WWOX: variants seen among roughly 807,000 people sequenced by gnomAD.
The protein encoded by WWOX is WW domain-containing oxidoreductase.
WWOX carries 69 observed loss-of-function variants against 46.2 expected under a neutral mutation model. The observed-to-expected ratio is 1.49, with a 90% CI of 1.23 to 1.82. WWOX has a LOEUF of 1.82. Ranked by LOEUF, WWOX falls within the 40% of genes most tolerant of loss-of-function variation. The pLI is 0.00. For missense variants in WWOX, 919 were observed against 542.6 expected (o/e 1.69, Z -6.89); for synonymous variants, 359 against 202.6 (o/e 1.77, Z -6.56).
chr16:78,967,497 A>G (rs1430203785), intron 8 of WWOX, among the ~76,000 whole-genome samples: 1 of 100,494 alleles, frequency 1.0e-5, no homozygotes, highest in Non-Finnish European at 1.9e-5. Flanking sequence ...TGAGATGGGG[A>G]TTTCACCATG....
intron 6 of WWOX, among the ~76,000 whole-genome samples, chr16:78,421,173 A>G (rs1014567852): frequency 2.6e-5 from 4 of 152,222 alleles, no homozygotes; most frequent in Non-Finnish European, 4.4e-5. Context: ...ACAAATTACC[A>G]CAGATGGAGT....
At chr16:78,273,587 G>A (rs1396382370) in intron 5 of WWOX, among the ~76,000 whole-genome samples, 1 of 152,188 alleles carries the variant, frequency 6.6e-6, no homozygotes. Context: ...TGAGAAAGGA[G>A]GGTGGGGAGA....
chr16:78,917,470 G>A (rs575925671), intron 8 of WWOX, among the ~76,000 whole-genome samples: 37 of 151,354 alleles, frequency 2.4e-4, no homozygotes, highest in Admixed American at 1.8e-3. Context: ...TACCTACCCC[G>A]AGAGCTGGCT....
chr16:79,025,062 A>G (rs957336368), intron 8 of WWOX, among the ~76,000 whole-genome samples: 6 of 152,156 alleles, frequency 3.9e-5, no homozygotes, highest in African/African-American at 1.4e-4. Context: ...GGAGAGTGAG[A>G]GTCCCTCCCT....
At chr16:79,196,348 A>G (rs1171505580) in intron 8 of WWOX, 1 of 152,170 alleles carries the variant, frequency 6.6e-6, no homozygotes, top group African/African-American at 2.4e-5. Context: ...ACAAGTCTAT[A>G]TCATTCTGTC....
rs1386633734 is a variant in WWOX, at chr16:78,348,849, A to G, written c.517-38011A>G. On this transcript the variant is annotated intron_variant, in intron 5 of 8. Coordinates refer to ENST00000566780, the MANE Select transcript of WWOX (RefSeq NM_016373.4). Reference sequence around the variant, plus strand: ...AAATATAAGAGAAAGAAAGACTTGTATCTGTTGTTAGTGAGTTTTTGTGGT... The same window carrying G: ...AAATATAAGAGAAAGAAAGACTTGTGTCTGTTGTTAGTGAGTTTTTGTGGT... Among the ~76,000 whole-genome samples, 2 of 120,410 alleles carry G rather than the reference A, an allele frequency of 1.7e-5. 1 individual carries two copies. The highest frequency in any genetic ancestry group is 4.0e-5 in the Non-Finnish European group (2 of 50,532). The allele number at this position is 120,410 out of a possible 152,430, so 79.0% of individuals were successfully genotyped here. A position where few individuals can be genotyped will look rare whatever the true frequency, so the allele number is the denominator to read the frequency against.
chr16:78,435,561 A>C (rs1459015427), intron 8 of WWOX, among the ~76,000 whole-genome samples: 1 of 152,198 alleles, frequency 6.6e-6, no homozygotes, highest in African/African-American at 2.4e-5. Flanking sequence ...AAAAGTGGTG[A>C]CATCGCAAAA....
intron 8 of WWOX, among the ~76,000 whole-genome samples, chr16:78,500,555 G>A (rs2085036446): frequency 6.6e-6 from 1 of 152,002 alleles, no homozygotes; most frequent in Non-Finnish European, 1.5e-5. Flanking sequence ...GCATGCTGCT[G>A]GAACACCTGG....
At chr16:78,452,763 C>CTAGCCTGTATAAAT in intron 8 of WWOX, among the ~76,000 whole-genome samples, 1 of 151,846 alleles carries the variant, frequency 6.6e-6, no homozygotes, top group Non-Finnish European at 1.5e-5. Flanking sequence ...AGGCATGAAC[C>CTAGCCTGTATAAAT]ACTGTGCCTA....
At chr16:78,775,888 G>T (rs771297996) in intron 8 of WWOX, among the ~76,000 whole-genome samples, 2 of 152,172 alleles carry the variant, frequency 1.3e-5, no homozygotes, top group Non-Finnish European at 2.9e-5. Flanking sequence ...TATATCATGA[G>T]CCCCTGTAAG....
chr16:78,843,242 A>T (rs947968962), intron 8 of WWOX, among the ~76,000 whole-genome samples: 5 of 150,062 alleles, frequency 3.3e-5, no homozygotes, highest in Non-Finnish European at 6.0e-5. Flanking sequence ...CCAATTCCAG[A>T]TCCTTCATGA....
At chr16:78,710,974 A>G (rs1211885829) in intron 8 of WWOX, among the ~76,000 whole-genome samples, 2 of 152,068 alleles carry the variant, frequency 1.3e-5, no homozygotes, top group Admixed American at 6.6e-5. Context: ...GTGCTTGCTT[A>G]TTTATTGAAA....
chr16:78,134,043 T>G (rs575036393), intron 4 of WWOX, among the ~76,000 whole-genome samples: 4 of 152,340 alleles, frequency 2.6e-5, no homozygotes, highest in African/African-American at 9.6e-5. Flanking sequence ...GAATTGCTTT[T>G]GTATGGTACG....
At chr16:79,043,794 A>G (rs1275280212) in intron 8 of WWOX, among the ~76,000 whole-genome samples, 3 of 152,088 alleles carry the variant, frequency 2.0e-5, no homozygotes, top group African/African-American at 7.2e-5. Flanking sequence ...CTCAGTTTTG[A>G]TCTCTTCTCT....
chr16:78,460,197 G>A (rs548265150), intron 8 of WWOX, among the ~76,000 whole-genome samples: 8 of 151,936 alleles, frequency 5.3e-5, no homozygotes, highest in Non-Finnish European at 8.8e-5. Flanking sequence ...GCACTATCTG[G>A]GCTCACTGCA....
chr16:79,048,280 C>G (rs2048102958), intron 8 of WWOX, among the ~76,000 whole-genome samples: 1 of 152,126 alleles, frequency 6.6e-6, no homozygotes, highest in African/African-American at 2.4e-5. Flanking sequence ...CTGAACCTCT[C>G]CATCCTTGCA....
At chr16:78,591,115 TTGTC>T (rs1212860782) in intron 8 of WWOX, among the ~76,000 whole-genome samples, 4 of 152,292 alleles carry the variant, frequency 2.6e-5, no homozygotes, top group Non-Finnish European at 4.4e-5. Context: ...TTCTCTGAGA[TTGTC>T]TGTCAGCTTT....
intron 8 of WWOX, among the ~76,000 whole-genome samples, chr16:78,571,275 A>T (rs2044709554): frequency 6.6e-6 from 1 of 152,148 alleles, no homozygotes; most frequent in Non-Finnish European, 1.5e-5. Flanking sequence ...AATGGTTTAG[A>T]AAGGTAAATG....
chr16:78,593,112 T>G lies in WWOX; in HGVS notation c.1056+160360T>G, dbSNP rs151130814. 2.2e-3 allele frequency among the ~76,000 whole-genome samples: 330 copies of G among 152,266 alleles called. 1 individual carries two copies. The highest frequency in any genetic ancestry group is 7.6e-3 in the African/African-American group (317 of 41,552). ...ATGACAACGAATATTTGGGACCCAC[T>G]GGGAGTTTGTGCCAAACCAGGTGTC... On this transcript the variant is annotated intron_variant, in intron 8 of 8. Transcript: ENST00000566780.
Sources: gnomAD v4.1 joint callset for allele counts (sites outside exome capture counted in the v4.1 genomes callset) on GRCh38, gnomAD v4.1.1 for gene constraint, MANE v1.5 for transcripts, NCBI Gene and HGNC (gene_info 2026-07-23, HGNC 2026-07-21) for gene names.